PRKACB: variants seen among roughly 807,000 people sequenced by gnomAD.
PRKACB encodes cAMP-dependent protein kinase catalytic subunit beta.
Under a neutral mutation model 51.4 loss-of-function variants are expected in PRKACB, and 16 were observed. The observed-to-expected ratio is 0.31, with a 90% CI of 0.21 to 0.47. The LOEUF (loss-of-function observed/expected upper bound fraction) is 0.47. PRKACB is among the 20% of genes least tolerant of loss of function. PRKACB has a pLI of 1.00. For missense variants in PRKACB, 309 were observed against 464.5 expected (o/e 0.67, Z 3.08); for synonymous variants, 147 against 154.4 (o/e 0.95, Z 0.35).
At chr1:84,200,614 G>A (rs774119339) in intron 7 of PRKACB, among the ~76,000 whole-genome samples, 6 of 133,358 alleles carry the variant, frequency 4.5e-5, no homozygotes, top group African/African-American at 1.3e-4. Context: ...TTTATACTCC[G>A]GGGTTTTGCA....
chr1:84,082,585 A>G (rs745618407), intron 1 of PRKACB, among the ~76,000 whole-genome samples: 12 of 152,134 alleles, frequency 7.9e-5, no homozygotes, highest in Non-Finnish European at 1.8e-4. Context: ...AACTTGTATT[A>G]CCATTTTAAA....
At chr1:84,120,475 C>T (rs1487659437) in intron 1 of PRKACB, among the ~76,000 whole-genome samples, 1 of 151,822 alleles carries the variant, frequency 6.6e-6, no homozygotes, top group Non-Finnish European at 1.5e-5. Context: ...AGTAGAGCGC[C>T]TCAAAAAATA....
At chr1:84,133,939 G>C (rs1187463808) in intron 1 of PRKACB, among the ~76,000 whole-genome samples, 1 of 152,184 alleles carries the variant, frequency 6.6e-6, no homozygotes, top group African/African-American at 2.4e-5. Flanking sequence ...CTCTTGTCCT[G>C]CGTACAGGAA....
At chr1:84,084,514 G>A (rs1156817389) in intron 1 of PRKACB, among the ~76,000 whole-genome samples, 1 of 152,134 alleles carries the variant, frequency 6.6e-6, no homozygotes. Flanking sequence ...AATCATTATG[G>A]AGCAAGTGGA....
At chr1:84,232,015 G>C (rs1178696569) in intron 9 of PRKACB, among the ~76,000 whole-genome samples, 1 of 150,528 alleles carries the variant, frequency 6.6e-6, no homozygotes, top group East Asian at 1.9e-4. Flanking sequence ...GTGATGTTAG[G>C]GTGTCAATTT....
intron 1 of PRKACB, among the ~76,000 whole-genome samples, chr1:84,117,046 A>G (rs1019721203): frequency 1.3e-5 from 2 of 150,218 alleles, no homozygotes; most frequent in Non-Finnish European, 3.0e-5. Flanking sequence ...TTTTTTTTTC[A>G]GATGTCTTTT....
chr1:84,228,568 C>T lies in PRKACB; in HGVS notation c.1072-6612C>T, dbSNP rs115164610. On this transcript the variant is annotated intron_variant, in intron 9 of 9. Coordinates refer to ENST00000370685, the MANE Select transcript of PRKACB (RefSeq NM_182948.4). ...TTTCCTCAAATGTATTCAGTACCCA[C>T]ATTTAATCTTTATAGAAGACCATAT... Among the ~76,000 whole-genome samples the T allele has an allele frequency of 2.2e-3, 336 of 152,066 alleles. 1 individual carries two copies. The highest frequency in any genetic ancestry group is 7.7e-3 in the African/African-American group (319 of 41,480).
At chr1:84,201,096 T>C (rs12058887) in intron 7 of PRKACB, among the ~76,000 whole-genome samples, 2,216 of 152,220 alleles carry the variant, frequency 0.015, 60 homozygotes, top group African/African-American at 0.049. Flanking sequence ...GGTCAAGGAA[T>C]AGGAACATTT....
chr1:84,156,015 G>A lies in PRKACB; in HGVS notation c.187+11467G>A, dbSNP rs193065935. Among the ~76,000 whole-genome samples, 502 of 152,178 alleles carry A rather than the reference G, an allele frequency of 3.3e-3. 6 individuals are homozygous for A. The highest frequency in any genetic ancestry group is 0.012 in the African/African-American group (481 of 41,522). On this transcript the variant is annotated intron_variant, in intron 1 of 9. Transcript: ENST00000370685. ...GAGATTTTTATTTTTTGGAGACAGG[G>A]TCTTGCTATGTTGCCCAGGCTGGAG... is the stretch of plus-strand genomic sequence containing the variant.
intron 1 of PRKACB, among the ~76,000 whole-genome samples, chr1:84,120,860 T>C (rs1291797223): frequency 6.6e-6 from 1 of 152,118 alleles, no homozygotes; most frequent in East Asian, 1.9e-4. Context: ...CTCCACCTTC[T>C]GGTTCCCAGA....
In PRKACB at chr1:84,164,816, G is replaced by A. The variant is rs888772511; in HGVS notation, c.188-14361G>A. The A allele has an allele frequency of 5.8e-6, 8 of 1,379,528 alleles. No homozygotes were observed. In the Admixed American group the frequency reaches 1.3e-4, roughly 23 times the overall value. The allele number at this position is 1,379,528 out of a possible 1,614,324, so 85.5% of individuals were successfully genotyped here. A position where few individuals can be genotyped will look rare whatever the true frequency, so the allele number is the denominator to read the frequency against. ...TGTTTACTAGTGATATCTCATGCTAGGCAGTTATGCTTTGCTTCTAGGGGC... is the reference window on the plus strand; with the variant it reads ...TGTTTACTAGTGATATCTCATGCTAAGCAGTTATGCTTTGCTTCTAGGGGC... On this transcript the variant is annotated intron_variant, in intron 1 of 9. Coordinates refer to ENST00000370685, the MANE Select transcript of PRKACB (RefSeq NM_182948.4).
chr1:84,120,496 AT>A (rs1557966055), intron 1 of PRKACB, among the ~76,000 whole-genome samples: 1 of 152,078 alleles, frequency 6.6e-6, no homozygotes, highest in Non-Finnish European at 1.5e-5. Context: ...CTGTATCAAT[AT>A]TTTTGATATA....
At chr1:84,204,449 C>T (rs761639182) in intron 8 of PRKACB, 7 of 1,488,916 alleles carry the variant, frequency 4.7e-6, no homozygotes, top group South Asian at 3.4e-5. Context: ...TGGCTTCAGA[C>T]TTCTTATCTT....
chr1:84,204,554 T>C (rs1558271841), intron 8 of PRKACB: 4 of 1,589,460 alleles, frequency 2.5e-6, no homozygotes, highest in Non-Finnish European at 3.4e-6. Flanking sequence ...TTTGAAGAAT[T>C]TGAGAAGTGT....
chr1:84,106,765 A>G (rs1370255139), intron 1 of PRKACB, among the ~76,000 whole-genome samples: 4 of 152,222 alleles, frequency 2.6e-5, no homozygotes, highest in African/African-American at 4.8e-5. Flanking sequence ...TCTACCATTC[A>G]TATGAAACCA....
intron 9 of PRKACB, among the ~76,000 whole-genome samples, chr1:84,219,172 T>C (rs1289187554): frequency 6.6e-6 from 1 of 152,118 alleles, no homozygotes; most frequent in East Asian, 1.9e-4. Context: ...TTTTTGTTTT[T>C]GTTGCTTGTA....
chr1:84,189,493 G>A (rs1052849291), intron 5 of PRKACB, among the ~76,000 whole-genome samples: 1 of 150,576 alleles, frequency 6.6e-6, no homozygotes, highest in Non-Finnish European at 1.5e-5. Flanking sequence ...TGAGGAAAAA[G>A]GTTGAAGGAG....
intron 8 of PRKACB, among the ~76,000 whole-genome samples, chr1:84,212,194 A>G (rs752578692): frequency 7.2e-5 from 11 of 152,118 alleles, no homozygotes; most frequent in Admixed American, 4.6e-4. Flanking sequence ...TCAAGCTTTT[A>G]TGTACATATG....
chr1:84,106,757 T>C (rs1301557930), intron 1 of PRKACB, among the ~76,000 whole-genome samples: 1 of 152,166 alleles, frequency 6.6e-6, no homozygotes, highest in Admixed American at 6.5e-5. Flanking sequence ...AATACTATTC[T>C]ACCATTCATA....
Sources: gnomAD v4.1 joint callset for allele counts (sites outside exome capture counted in the v4.1 genomes callset) on GRCh38, gnomAD v4.1.1 for gene constraint, MANE v1.5 for transcripts, NCBI Gene and HGNC (gene_info 2026-07-23, HGNC 2026-07-21) for gene names.